Variants in ZNF654 observed in about 807,000 individuals in gnomAD.
The protein encoded by ZNF654 is zinc finger protein 654.
ZNF654 carries 19 observed loss-of-function variants against 95.3 expected under a neutral mutation model. The observed-to-expected ratio is 0.20, with a 90% CI of 0.14 to 0.29. The LOEUF is 0.29. Ranked by LOEUF, ZNF654 falls within the 10% of genes least tolerant of loss-of-function variation. The pLI is 1.00. For missense variants in ZNF654, 1,046 were observed against 1,341.0 expected (o/e 0.78, Z 3.44); for synonymous variants, 413 against 457.9 (o/e 0.90, Z 1.25).
At chr3:88,099,540 A>G (rs1704277276) in intron 2 of ZNF654, among the ~76,000 whole-genome samples, 1 of 122,354 alleles carries the variant, frequency 8.2e-6, no homozygotes, top group South Asian at 3.4e-4. Context: ...GCCAAAGAAC[A>G]AAGCTGGAGG....
intron 2 of ZNF654, among the ~76,000 whole-genome samples, chr3:88,111,886 A>G (rs926531849): frequency 1.3e-5 from 2 of 151,936 alleles, no homozygotes; most frequent in Admixed American, 1.3e-4. Context: ...TTTAATCTTT[A>G]TAATTTTGGC....
At chr3:88,059,586 C>A in intron 1 of ZNF654, 81 bp downstream of exon 1, 1 of 1,439,824 alleles carries the variant, frequency 6.9e-7, no homozygotes, top group Non-Finnish European at 9.1e-7. Context: ...GTCCATGAAT[C>A]TGGTCTATGT....
At chr3:88,122,527 T>C (rs1401749427) in intron 3 of ZNF654, among the ~76,000 whole-genome samples, 1 of 152,142 alleles carries the variant, frequency 6.6e-6, no homozygotes, top group African/African-American at 2.4e-5. Flanking sequence ...AAATGTATTC[T>C]GAAAGAAGTG....
At chr3:88,106,455 A>T (rs1261761529) in intron 2 of ZNF654, among the ~76,000 whole-genome samples, 5 of 151,912 alleles carry the variant, frequency 3.3e-5, no homozygotes, top group Admixed American at 3.3e-4. Flanking sequence ...CTCCTGCCTC[A>T]GCCTCAGGAG....
chr3:88,096,347 A>G (rs1302651824), intron 2 of ZNF654, among the ~76,000 whole-genome samples: 1 of 152,210 alleles, frequency 6.6e-6, no homozygotes, highest in East Asian at 1.9e-4. Context: ...GGTTGATGAG[A>G]GGAAGCAGCA....
intron 2 of ZNF654, among the ~76,000 whole-genome samples, chr3:88,096,974 A>G (rs1704101568): frequency 6.6e-6 from 1 of 152,134 alleles, no homozygotes; most frequent in African/African-American, 2.4e-5. Flanking sequence ...TCACTTAGAT[A>G]CCTTTCCCCA....
At chr3:88,134,183 C>T (rs1706630269) in intron 6 of ZNF654, among the ~76,000 whole-genome samples, 1 of 151,574 alleles carries the variant, frequency 6.6e-6, no homozygotes, top group African/African-American at 2.4e-5. Context: ...TTTGGTTTTA[C>T]TACTCATATG....
In ZNF654 at chr3:88,139,016, T is replaced by C. The variant is rs2107887555; in HGVS notation, c.1347T>C (p.Pro449=). Reference sequence around the variant, plus strand: ...TGAAAAAGGGATTGTTTTTTGACCCTGAATTTTGGAACTTCGTAATGATTA... The same window carrying C: ...TGAAAAAGGGATTGTTTTTTGACCCCGAATTTTGGAACTTCGTAATGATTA... ...PILKKGLFFD[P]EFWNFVMIKK... The change falls in exon 8 of 9, where the codon CCT becomes CCC. Residue 449 remains proline, a synonymous_variant. Transcript: ENST00000636215. 4 of 1,246,100 alleles carry C rather than the reference T, an allele frequency of 3.2e-6. No individual in the cohort carries two copies. The highest frequency in any genetic ancestry group is 4.0e-6 in the Non-Finnish European group (4 of 997,172). 77.2% of individuals were successfully genotyped at this position (1,246,100 alleles called of 1,614,324 possible).
rs568832953 is a variant in ZNF654 at position 88,139,136 on chromosome 3, G to A, written c.1467G>A (p.Thr489=). 27 of 1,300,788 alleles carry A rather than the reference G, an allele frequency of 2.1e-5. No homozygotes were observed. The South Asian group carries it at 3.3e-4, about 16-fold the overall frequency. 80.6% of individuals were successfully genotyped at this position (1,300,788 alleles called of 1,614,324 possible). A position where few individuals can be genotyped will look rare whatever the true frequency, so the allele number is the denominator to read the frequency against. ...LENNAGNLKR[T]EEQQGLDEGF... ...ATAATGCAGGTAATCTAAAAAGGAC[G>A]GAGGAACAGCAAGGTTTGGATGAAG... The change falls in exon 8 of 9, where the codon ACG becomes ACA. Residue 489 remains threonine (T), a synonymous_variant. Transcript: ENST00000636215.
intron 4 of ZNF654, among the ~76,000 whole-genome samples, chr3:88,127,703 C>T (rs558661852): frequency 4.1e-4 from 63 of 152,040 alleles, no homozygotes; most frequent in South Asian, 2.1e-4. Flanking sequence ...ACCTGTTGTT[C>T]GTTCGTCTGA....
At chr3:88,105,199 C>A (rs1453075512) in intron 2 of ZNF654, among the ~76,000 whole-genome samples, 1 of 152,074 alleles carries the variant, frequency 6.6e-6, no homozygotes, top group African/African-American at 2.4e-5. Context: ...GACAGGAATT[C>A]GGTTGATAGA....
At chr3:88,066,237 C>T (rs56409895) in intron 1 of ZNF654, among the ~76,000 whole-genome samples, 2 of 152,264 alleles carry the variant, frequency 1.3e-5, no homozygotes, top group East Asian at 3.9e-4. Context: ...AGATACATGA[C>T]TATTATTGCT....
At chr3:88,129,068 A>C in intron 5 of ZNF654, 57 bp downstream of exon 5, 88 of 574,402 alleles carry the variant, frequency 1.5e-4, no homozygotes, top group South Asian at 5.5e-4. Context: ...AAAAAAAACC[A>C]AAAAAAAAAA....
At chr3:88,133,229 G>A (rs1365043864) in intron 6 of ZNF654, among the ~76,000 whole-genome samples, 1 of 152,094 alleles carries the variant, frequency 6.6e-6, no homozygotes, top group African/African-American at 2.4e-5. Context: ...CTACCTTTGT[G>A]TTTTAGGGCT....
rs1216021388 is a variant in ZNF654, at chr3:88,140,784, T to C, written c.3115T>C (p.Tyr1039His). ...KPNLTSEHTSYGLILTKPYVR... is the reference protein window; with the variant it reads ...KPNLTSEHTSHGLILTKPYVR... ...AAATCTGACAAGTGAACATACTTCATATGGCTTAATTTTAACAAAACCATA... is the reference window on the plus strand; with the variant it reads ...AAATCTGACAAGTGAACATACTTCACATGGCTTAATTTTAACAAAACCATA... The change falls in exon 8 of 9, where the codon TAT becomes CAT. Residue 1039 changes from tyrosine to histidine, a missense_variant. Physicochemically the swap from Tyr to His is moderately conservative, Grantham distance 83 (BLOSUM62 2). Around this residue, in one of 9 missense-constraint regions of ZNF654, gnomAD observed 495 missense variants for 537.0 expected, o/e 0.92. Coordinates refer to ENST00000636215, the MANE Select transcript of ZNF654 (RefSeq NM_001350134.2). The C allele has an allele frequency of 6.2e-7, 1 of 1,613,754 alleles. No individual in the cohort carries two copies. The highest frequency in any genetic ancestry group is 1.1e-5 in the South Asian group (1 of 91,076).
At position 88,127,920 on chromosome 3, in the gene ZNF654, T is replaced by C. The variant is rs553298841; in HGVS notation, c.551-889T>C. Among the ~76,000 whole-genome samples, 4 of 152,330 alleles carry C rather than the reference T, an allele frequency of 2.6e-5. No homozygotes were observed. The South Asian group carries it at 8.3e-4, about 32-fold the overall frequency. On this transcript the variant is annotated intron_variant, in intron 4 of 8. Coordinates refer to ENST00000636215, the MANE Select transcript of ZNF654 (RefSeq NM_001350134.2). ...TACAAATCAGTGTTTGCATATCATA[T>C]ATTGTAAACAGAATTGCAAGACAAA... is the stretch of plus-strand genomic sequence containing the variant.
chr3:88,118,003 T>G (rs1434217468), intron 3 of ZNF654, among the ~76,000 whole-genome samples: 1 of 151,412 alleles, frequency 6.6e-6, no homozygotes, highest in Non-Finnish European at 1.5e-5. Context: ...GAAACATAGA[T>G]GTTTTAGTTG....
At chr3:88,079,604 T>A (rs1319719432) in intron 1 of ZNF654, among the ~76,000 whole-genome samples, 1 of 152,058 alleles carries the variant, frequency 6.6e-6, no homozygotes, top group Non-Finnish European at 1.5e-5. Flanking sequence ...TTCATGTTGG[T>A]TAACTCTCTG....
chr3:88,120,205 T>A (rs939703812), intron 3 of ZNF654, among the ~76,000 whole-genome samples: 7 of 152,168 alleles, frequency 4.6e-5, no homozygotes, highest in Admixed American at 4.6e-4. Context: ...GCAACAGAGT[T>A]GAGGTTTATA....
Sources: gnomAD v4.1 joint callset for allele counts (sites outside exome capture counted in the v4.1 genomes callset) on GRCh38, gnomAD v4.1.1 for gene constraint, gnomAD v4.1.1 regional missense constraint, MANE v1.5 for transcripts, NCBI Gene and HGNC (gene_info 2026-07-23, HGNC 2026-07-21) for gene names.